CDH12: variants seen among roughly 807,000 people sequenced by gnomAD.
The protein encoded by CDH12 is cadherin-12.
Under a neutral mutation model 74.1 loss-of-function variants are expected in CDH12, and 41 were observed. That is an observed-to-expected ratio of 0.55 (90% CI 0.43 to 0.72). The LOEUF is 0.72. Ranked by LOEUF, CDH12 falls within the 30% of genes least tolerant of loss-of-function variation. CDH12 has a pLI of 0.00. For synonymous variants in CDH12, 399 were observed against 355.0 expected, an observed-to-expected ratio of 1.12 and a Z score of -1.39; for missense variants, 945 against 977.2, an observed-to-expected ratio of 0.97 and a Z score of 0.44.
chr5:22,638,232 A>ACT (rs1322725721), intron 1 of CDH12, among the ~76,000 whole-genome samples: 2 of 152,176 alleles, frequency 1.3e-5, no homozygotes, highest in African/African-American at 4.8e-5. Context: ...GAAGTCCCAC[A>ACT]ATAGGCCAGT....
chr5:22,770,089 C>T (rs77889520), intron 1 of CDH12, among the ~76,000 whole-genome samples: 4,735 of 151,306 alleles, frequency 0.031, 88 homozygotes, highest in Middle Eastern at 0.11. Flanking sequence ...AGTAACTCAC[C>T]GAGAGATATT....
At position 21,752,057 on chromosome 5, in the gene CDH12, T is replaced by G. The variant is rs1395356562; in HGVS notation, c.2065A>C (p.Ile689Leu). 1 of 1,614,128 alleles carries G rather than the reference T, an allele frequency of 6.2e-7. No individual in the cohort carries two copies. The highest frequency in any genetic ancestry group is 8.5e-7 in the Non-Finnish European group (1 of 1,180,012). The change falls in exon 15 of 15, where the codon ATT (isoleucine) becomes CTT (leucine). Residue 689 changes from isoleucine to leucine, a missense_variant. Transcript: ENST00000382254. ...RNPKVIEENK[I>L]RRDIKPDSLC... is the part of the protein sequence containing the mutation. ...GAGTCTGGTTTTATATCCCTGCGAA[T>G]TTTGTTCTCCTCAATCACTTTTGGG...
At chr5:21,925,841 G>T (rs1335739678) in intron 6 of CDH12, among the ~76,000 whole-genome samples, 1 of 151,960 alleles carries the variant, frequency 6.6e-6, no homozygotes, top group East Asian at 1.9e-4. Context: ...AACAAGCTAG[G>T]AGCTGGGCAC....
intron 8 of CDH12, among the ~76,000 whole-genome samples, chr5:21,823,562 T>C (rs1458803735): frequency 6.6e-6 from 1 of 152,118 alleles, no homozygotes; most frequent in Non-Finnish European, 1.5e-5. Context: ...AGCAACTAGA[T>C]ATTACTATAA....
chr5:22,809,356 T>C (rs989477183), intron 1 of CDH12, among the ~76,000 whole-genome samples: 2 of 151,888 alleles, frequency 1.3e-5, no homozygotes, highest in African/African-American at 4.8e-5. Flanking sequence ...GCTTATTCTC[T>C]GTCAAGTCTA....
intron 3 of CDH12, among the ~76,000 whole-genome samples, chr5:22,297,035 T>A (rs1737658471): frequency 6.6e-6 from 1 of 152,084 alleles, no homozygotes; most frequent in Non-Finnish European, 1.5e-5. Flanking sequence ...TTGTTGTTGG[T>A]TTTTGGACGG....
intron 1 of CDH12, among the ~76,000 whole-genome samples, chr5:22,635,935 A>T (rs1738820017): frequency 6.6e-6 from 1 of 152,002 alleles, no homozygotes; most frequent in Non-Finnish European, 1.5e-5. Flanking sequence ...AAAATAAAAT[A>T]AAAAATTCCA....
chr5:21,897,821 T>C (rs1753194954), intron 6 of CDH12, among the ~76,000 whole-genome samples: 1 of 152,216 alleles, frequency 6.6e-6, no homozygotes. Context: ...ATTACAATAT[T>C]TCTTTGTCTT....
At chr5:22,671,626 G>C (rs1217481884) in intron 1 of CDH12, among the ~76,000 whole-genome samples, 3 of 152,046 alleles carry the variant, frequency 2.0e-5, no homozygotes, top group Non-Finnish European at 4.4e-5. Context: ...CCAGCAATTG[G>C]GAACCACTTG....
intron 3 of CDH12, among the ~76,000 whole-genome samples, chr5:22,257,673 G>A (rs1176776888): frequency 2.6e-5 from 4 of 151,834 alleles, no homozygotes; most frequent in African/African-American, 7.2e-5. Context: ...CTAATTTTTT[G>A]TATTTTTAGT....
intron 4 of CDH12, among the ~76,000 whole-genome samples, chr5:22,166,169 T>A (rs6868023): frequency 0.99 from 149,861 of 151,418 alleles, 74,192 homozygotes; most frequent in Non-Finnish European, 1. Flanking sequence ...TCACTTTTTT[T>A]AAAAAAATAC....
chr5:22,273,438 C>A (rs915328559), intron 3 of CDH12, among the ~76,000 whole-genome samples: 3 of 152,004 alleles, frequency 2.0e-5, no homozygotes, highest in African/African-American at 7.2e-5. Flanking sequence ...ATGAAGTATC[C>A]CTGTAATAAC....
intron 1 of CDH12, among the ~76,000 whole-genome samples, chr5:22,732,742 C>T: frequency 6.6e-6 from 1 of 151,684 alleles, no homozygotes; most frequent in East Asian, 1.9e-4. Flanking sequence ...CAGCAAACTG[C>T]CAGAAGCTAG....
At chr5:22,766,865 C>G (rs2127064309) in intron 1 of CDH12, among the ~76,000 whole-genome samples, 1 of 152,074 alleles carries the variant, frequency 6.6e-6, no homozygotes, top group South Asian at 2.1e-4. Context: ...AAATATTACA[C>G]AATTTTATCT....
intron 5 of CDH12, among the ~76,000 whole-genome samples, chr5:22,018,868 T>A (rs1225620789): frequency 2.6e-5 from 4 of 152,002 alleles, no homozygotes; most frequent in African/African-American, 9.7e-5. Flanking sequence ...GGTCAGGAGT[T>A]CAAGACCAGC....
At chr5:22,287,303 T>C (rs1737182820) in intron 3 of CDH12, among the ~76,000 whole-genome samples, 1 of 152,190 alleles carries the variant, frequency 6.6e-6, no homozygotes, top group Non-Finnish European at 1.5e-5. Flanking sequence ...TAAATTCCAC[T>C]AGGTAACTTG....
chr5:22,190,402 ATC>A (rs1750210053), intron 4 of CDH12, among the ~76,000 whole-genome samples: 1 of 143,894 alleles, frequency 6.9e-6, no homozygotes, highest in Admixed American at 6.9e-5. Context: ...CTATCTATCT[ATC>A]CTCTATCCAT....
At chr5:22,653,416 G>A (rs1205084629) in intron 1 of CDH12, among the ~76,000 whole-genome samples, 4 of 151,168 alleles carry the variant, frequency 2.6e-5, no homozygotes, top group Non-Finnish European at 2.9e-5. Context: ...TAAGGCCCAC[G>A]ACGGAGCCAT....
intron 4 of CDH12, among the ~76,000 whole-genome samples, chr5:22,183,579 T>G (rs1749764463): frequency 6.6e-6 from 1 of 152,152 alleles, no homozygotes; most frequent in Admixed American, 6.6e-5. Context: ...TCTCGTGAAA[T>G]TTAATGAAAC....
Sources: allele counts gnomAD v4.1 joint callset (sites outside exome capture counted in the v4.1 genomes callset), GRCh38; gene constraint gnomAD v4.1.1; transcripts MANE v1.5; gene names NCBI Gene and HGNC (gene_info 2026-07-23, HGNC 2026-07-21).